Variants in PCCA observed in about 807,000 individuals in gnomAD.
PCCA encodes the protein propionyl-CoA carboxylase alpha chain, mitochondrial.
PCCA carries 74 observed loss-of-function variants against 101.3 expected under a neutral mutation model. The ratio of observed to expected loss-of-function variants is 0.73; its 90% CI spans 0.61 to 0.89. PCCA has a LOEUF of 0.89. PCCA is among the 40% of genes least tolerant of loss of function. The pLI is 0.00. For missense variants in PCCA, 891 were observed against 907.0 expected (o/e 0.98, Z 0.23); for synonymous variants, 294 against 313.6 (o/e 0.94, Z 0.66).
chr13:100,406,089 A>T (rs1239760609), intron 19 of PCCA, among the ~76,000 whole-genome samples: 1 of 152,016 alleles, frequency 6.6e-6, no homozygotes, highest in Non-Finnish European at 1.5e-5. Context: ...CTTACTGACC[A>T]CAGGTCAGTA....
chr13:100,444,815 C>A (rs1010654140), intron 20 of PCCA, among the ~76,000 whole-genome samples: 1 of 151,986 alleles, frequency 6.6e-6, no homozygotes, highest in African/African-American at 2.4e-5. Context: ...TGTGAGCCAC[C>A]GTTCCCAGCT....
intron 6 of PCCA, among the ~76,000 whole-genome samples, chr13:100,190,552 G>A (rs975468253): frequency 6.6e-6 from 1 of 152,134 alleles, no homozygotes; most frequent in African/African-American, 2.4e-5. Flanking sequence ...GCATATACCT[G>A]TAGTCCCAGC....
chr13:100,169,618 C>T (rs1427364287), intron 6 of PCCA, among the ~76,000 whole-genome samples: 1 of 151,948 alleles, frequency 6.6e-6, no homozygotes, highest in Non-Finnish European at 1.5e-5. Context: ...ATCTCCGTCT[C>T]CCAGGTTCAA....
intron 2 of PCCA, among the ~76,000 whole-genome samples, chr13:100,108,868 C>T (rs1342735322): frequency 6.6e-6 from 1 of 152,064 alleles, no homozygotes; most frequent in Non-Finnish European, 1.5e-5. Flanking sequence ...CAGTGTATCC[C>T]CTTTTGTACT....
At chr13:100,177,843 T>G (rs1445683635) in intron 6 of PCCA, among the ~76,000 whole-genome samples, 1 of 152,094 alleles carries the variant, frequency 6.6e-6, no homozygotes. Context: ...TACTAAAAAT[T>G]AGAACATGGC....
intron 12 of PCCA, among the ~76,000 whole-genome samples, chr13:100,299,196 T>C (rs1018004915): frequency 3.3e-5 from 5 of 152,160 alleles, no homozygotes; most frequent in Admixed American, 2.0e-4. Flanking sequence ...CTAATTTAGA[T>C]TGTAAAATGT....
chr13:100,263,681 T>C (rs1346058219), intron 10 of PCCA, among the ~76,000 whole-genome samples: 4 of 152,164 alleles, frequency 2.6e-5, no homozygotes, highest in Admixed American at 2.6e-4. Context: ...TTTTACAACA[T>C]TGAACACAGT....
At chr13:100,272,489 A>G (rs1041412280) in intron 11 of PCCA, among the ~76,000 whole-genome samples, 4 of 152,134 alleles carry the variant, frequency 2.6e-5, no homozygotes, top group Admixed American at 6.5e-5. Context: ...ACAGTACTTC[A>G]TGGCCTTCTT....
intron 6 of PCCA, among the ~76,000 whole-genome samples, chr13:100,186,175 G>A (rs1046481932): frequency 6.6e-6 from 1 of 152,154 alleles, no homozygotes; most frequent in Non-Finnish European, 1.5e-5. Context: ...CGTTATACAA[G>A]TATTTAGTAA....
At chr13:100,493,122 C>T (rs1166887559) in intron 21 of PCCA, among the ~76,000 whole-genome samples, 3 of 152,226 alleles carry the variant, frequency 2.0e-5, no homozygotes, top group Non-Finnish European at 4.4e-5. Context: ...GACCCCCAGA[C>T]ACTACCATGG....
At chr13:100,406,348 C>T (rs2077677801) in intron 19 of PCCA, among the ~76,000 whole-genome samples, 1 of 152,212 alleles carries the variant, frequency 6.6e-6, no homozygotes. Flanking sequence ...AAGAGAGAAA[C>T]AAACATGCTC....
Position 100,301,522 on chromosome 13 carries a change from T to A in PCCA, c.1128T>A (p.Val376=), listed in dbSNP as rs2066055029. 1 of 1,614,026 alleles carries A rather than the reference T, an allele frequency of 6.2e-7. No individual in the cohort carries two copies. The highest frequency in any genetic ancestry group is 8.5e-7 in the Non-Finnish European group (1 of 1,179,994). The change falls in exon 13 of 24, where the codon GTT becomes GTA. Residue 376 remains valine (V), a synonymous_variant. Transcript: ENST00000376285. ...GLDLVQEMIR[V]AKGYPLRHKQ... ...ACCTAGTCCAGGAAATGATCCGTGT[T>A]GCTAAGGGCTACCCTCTCAGGCACA...
intron 22 of PCCA, among the ~76,000 whole-genome samples, chr13:100,520,448 C>CCATCCTGGCTAA (rs756238601): frequency 3.3e-5 from 5 of 151,802 alleles, no homozygotes; most frequent in South Asian, 2.1e-4. Context: ...GAGATCGAGA[C>CCATCCTGGCTAA]CACGGTGAAA....
At chr13:100,171,770 C>T (rs1191401882) in intron 6 of PCCA, among the ~76,000 whole-genome samples, 6 of 152,040 alleles carry the variant, frequency 3.9e-5, no homozygotes, top group Admixed American at 1.3e-4. Flanking sequence ...CGGTGGCTCA[C>T]GCCTGTAATC....
At chr13:100,273,092 TG>T in intron 11 of PCCA, 103 bp from the exon 12 acceptor site, 1 of 782,726 alleles carries the variant, frequency 1.3e-6, no homozygotes. Context: ...TTGGTATAGA[TG>T]ATCTATATCT....
intron 12 of PCCA, among the ~76,000 whole-genome samples, chr13:100,287,831 G>T (rs867655663): frequency 1.7e-4 from 26 of 151,586 alleles, no homozygotes; most frequent in African/African-American, 5.8e-4. Context: ...TTTTAATCAA[G>T]AATTTATTTT....
At chr13:100,091,740 A>C (rs1022879815) in intron 1 of PCCA, among the ~76,000 whole-genome samples, 2 of 152,082 alleles carry the variant, frequency 1.3e-5, no homozygotes, top group Admixed American at 1.3e-4. Context: ...ATTTATTTTT[A>C]GGGTATATGT....
At chr13:100,399,183 G>C (rs1312904159) in intron 19 of PCCA, among the ~76,000 whole-genome samples, 1 of 151,902 alleles carries the variant, frequency 6.6e-6, no homozygotes, top group Non-Finnish European at 1.5e-5. Flanking sequence ...AATATGACTA[G>C]GTAGTTTTAA....
At chr13:100,421,168 G>C (rs1222356549) in intron 19 of PCCA, among the ~76,000 whole-genome samples, 4 of 151,912 alleles carry the variant, frequency 2.6e-5, no homozygotes, top group Non-Finnish European at 5.9e-5. Flanking sequence ...CTGAGATTGC[G>C]AGACTGTGCT....
Sources: gnomAD v4.1 joint callset for allele counts (sites outside exome capture counted in the v4.1 genomes callset) on GRCh38, gnomAD v4.1.1 for gene constraint, MANE v1.5 for transcripts, NCBI Gene and HGNC (gene_info 2026-07-23, HGNC 2026-07-21) for gene names.